The following KCNIP1 variants were observed in gnomAD, a reference collection of about 807,000 sequenced individuals.
KCNIP1 encodes A-type potassium channel modulatory protein KCNIP1.
KCNIP1 carries 18 observed loss-of-function variants against 33.0 expected under a neutral mutation model. The ratio of observed to expected loss-of-function variants is 0.55; its 90% confidence interval spans 0.38 to 0.81. The LOEUF is 0.81. KCNIP1 is among the 30% of genes least tolerant of loss of function. KCNIP1 has a pLI of 0.00. For synonymous variants in KCNIP1, 93 were observed against 98.3 expected (o/e 0.95, Z 0.32); for missense variants, 238 against 271.6 (o/e 0.88, Z 0.87).
At chr5:170,705,290 G>A (rs1763221442) in intron 1 of KCNIP1, among the ~76,000 whole-genome samples, 2 of 152,218 alleles carry the variant, frequency 1.3e-5, no homozygotes, top group African/African-American at 4.8e-5. Context: ...GGAGAGGATA[G>A]CACCTTGCCA....
chr5:170,564,501 C>T (rs547922631), intron 1 of KCNIP1, among the ~76,000 whole-genome samples: 7 of 152,276 alleles, frequency 4.6e-5, no homozygotes, highest in Admixed American at 3.9e-4. Flanking sequence ...GGGTGAATTG[C>T]GGGGGCACAG....
intron 1 of KCNIP1, among the ~76,000 whole-genome samples, chr5:170,654,508 AATGCATATATATAATC>A (rs1761185248): frequency 6.6e-6 from 1 of 152,244 alleles, no homozygotes. Context: ...TACAGTAGGA[AATGCATATATATAATC>A]ATTTACTCAT....
intron 1 of KCNIP1, among the ~76,000 whole-genome samples, chr5:170,512,794 A>G (rs1754985109): frequency 6.6e-6 from 1 of 152,196 alleles, no homozygotes; most frequent in Non-Finnish European, 1.5e-5. Context: ...TCACGCCTGT[A>G]ATCCCAGCAC....
At chr5:170,589,778 G>GTGTGGTGTGGTGTGA (rs1561703690) in intron 1 of KCNIP1, among the ~76,000 whole-genome samples, 3 of 111,376 alleles carry the variant, frequency 2.7e-5, no homozygotes, top group African/African-American at 1.1e-4. Context: ...GTGTGGTGTG[G>GTGTGGTGTGGTGTGA]TGTGATGTGA....
intron 2 of KCNIP1, among the ~76,000 whole-genome samples, chr5:170,720,011 G>A (rs552506305): frequency 1.3e-5 from 2 of 152,286 alleles, no homozygotes; most frequent in South Asian, 4.2e-4. Flanking sequence ...TACAGGTAAG[G>A]ATATTGAGGA....
At chr5:170,587,177 T>G (rs1055240020) in intron 1 of KCNIP1, among the ~76,000 whole-genome samples, 5 of 152,158 alleles carry the variant, frequency 3.3e-5, no homozygotes, top group Admixed American at 2.6e-4. Context: ...ATCCCAGCAC[T>G]TTGAGAGGCC....
chr5:170,446,798 A>G (rs1756127110), intron 1 of KCNIP1, among the ~76,000 whole-genome samples: 1 of 152,072 alleles, frequency 6.6e-6, no homozygotes, highest in Admixed American at 6.5e-5. Context: ...GACCTGCCAC[A>G]TGTCCAAATC....
chr5:170,730,385 T>A (rs1267075112), intron 5 of KCNIP1, among the ~76,000 whole-genome samples: 1 of 152,176 alleles, frequency 6.6e-6, no homozygotes, highest in Admixed American at 6.5e-5. Context: ...GTTAATAAAG[T>A]ACCCCTTAAA....
intron 1 of KCNIP1, among the ~76,000 whole-genome samples, chr5:170,607,131 G>T (rs573135208): frequency 6.6e-6 from 1 of 152,186 alleles, no homozygotes; most frequent in Non-Finnish European, 1.5e-5. Context: ...CGTCTGTCGC[G>T]CTTCTGTTGG....
chr5:170,710,099 C>T (rs1292451593), intron 1 of KCNIP1, among the ~76,000 whole-genome samples: 2 of 152,196 alleles, frequency 1.3e-5, no homozygotes, highest in African/African-American at 4.8e-5. Flanking sequence ...AACTCCTGAC[C>T]TCAAGTGATC....
Position 170,504,337 on chromosome 5 carries a change from G to A in KCNIP1, c.-236G>A. Reference sequence around the variant, plus strand: ...GGGCCGGGTCCTCGCGCGGGGAAGCGGTTCCGAAGGCTCGCGGGGAGCGGC... The same window carrying A: ...GGGCCGGGTCCTCGCGCGGGGAAGCAGTTCCGAAGGCTCGCGGGGAGCGGC... On this transcript the variant is annotated 5_prime_UTR_variant, in exon 1 of 8. Transcript: ENST00000328939. The surrounding 1 kb of genome is among the most constrained non-coding windows in gnomAD (Gnocchi z 6.0). 7.3e-7 allele frequency: 1 copy of A among 1,377,808 alleles called. No individual in the cohort carries two copies. Among genetic ancestry groups the A allele is most frequent in the Non-Finnish European group, 9.3e-7 (1 of 1,070,904 alleles). The allele number at this position is 1,377,808 out of a possible 1,614,324, so 85.3% of individuals were successfully genotyped here. A position where few individuals can be genotyped will look rare whatever the true frequency, so the allele number is the denominator to read the frequency against.
chr5:170,384,741 C>T (rs1764395543), intron 1 of KCNIP1, among the ~76,000 whole-genome samples: 1 of 152,210 alleles, frequency 6.6e-6, no homozygotes, highest in East Asian at 1.9e-4. Flanking sequence ...CTTAAAATCT[C>T]AAGTGGTTGA....
intron 1 of KCNIP1, among the ~76,000 whole-genome samples, chr5:170,354,204 G>A (rs1329628296): frequency 6.6e-6 from 1 of 152,208 alleles, no homozygotes; most frequent in African/African-American, 2.4e-5. Flanking sequence ...AGTTGGTGGT[G>A]TGTGGCTGAT....
intron 1 of KCNIP1, among the ~76,000 whole-genome samples, chr5:170,713,894 C>CCA (rs1763545006): frequency 6.6e-6 from 1 of 151,926 alleles, no homozygotes; most frequent in Non-Finnish European, 1.5e-5. Context: ...CATGGTGGGG[C>CCA]ACACCTGTAA....
At chr5:170,587,382 A>G (rs1758032523) in intron 1 of KCNIP1, among the ~76,000 whole-genome samples, 1 of 134,418 alleles carries the variant, frequency 7.4e-6, no homozygotes, top group Non-Finnish European at 1.5e-5. Context: ...AGATTGTGCC[A>G]TTGCACTCCA....
intron 1 of KCNIP1, among the ~76,000 whole-genome samples, chr5:170,663,028 G>A (rs1467763664): frequency 6.6e-6 from 1 of 152,160 alleles, no homozygotes; most frequent in African/African-American, 2.4e-5. Flanking sequence ...CCTAGGAGAG[G>A]CCACCTCACC....
chr5:170,428,839 G>A (rs1034292377), intron 1 of KCNIP1, among the ~76,000 whole-genome samples: 17 of 152,124 alleles, frequency 1.1e-4, no homozygotes, highest in Non-Finnish European at 2.1e-4. Flanking sequence ...TGCTAGGAAA[G>A]AAGGTATCTG....
intron 1 of KCNIP1, among the ~76,000 whole-genome samples, chr5:170,466,718 A>C (rs1756616096): frequency 6.6e-6 from 1 of 152,116 alleles, no homozygotes; most frequent in African/African-American, 2.4e-5. Context: ...CTCACATGGT[A>C]GAGGATGTAC....
At position 170,735,816 on chromosome 5, in the gene KCNIP1, C is replaced by CTCAGCCAT; in HGVS notation, c.*16_*23dup. Reference sequence around the variant, plus strand: ...TCAAAATGTCATGTAACTGGTGACACTCAGCCATTCAGCTCTCAGAGACAT... The same window carrying CTCAGCCAT: ...TCAAAATGTCATGTAACTGGTGACACTCAGCCATTCAGCCATTCAGCTCTCAGAGACAT... On this transcript the variant is annotated 3_prime_UTR_variant, in exon 8 of 8. Transcript: ENST00000328939. The CTCAGCCAT allele has an allele frequency of 6.2e-7, 1 of 1,611,688 alleles. No homozygotes were observed. Among genetic ancestry groups the CTCAGCCAT allele is most frequent in the Non-Finnish European group, 8.5e-7 (1 of 1,177,880 alleles).
Sources: allele counts gnomAD v4.1 joint callset (sites outside exome capture counted in the v4.1 genomes callset), GRCh38; gene constraint gnomAD v4.1.1; non-coding constraint Gnocchi (gnomAD v3.1); transcripts MANE v1.5; gene names NCBI Gene and HGNC (gene_info 2026-07-23, HGNC 2026-07-21).